RBMS3: variants seen among roughly 807,000 people sequenced by gnomAD.
RBMS3 encodes the protein RNA-binding motif, single-stranded-interacting protein 3.
In RBMS3, 27 loss-of-function variants were observed where a neutral mutation model predicts 66.8. That is an observed-to-expected ratio of 0.40 (90% CI 0.30 to 0.56). The LOEUF (loss-of-function observed/expected upper bound fraction) is 0.56. RBMS3 is among the 20% of genes least tolerant of loss of function. The probability of loss-of-function intolerance (pLI) is 0.40; values close to 1 mark genes in which losing one functional copy is unlikely to be tolerated. For missense variants in RBMS3, 513 were observed against 549.5 expected (o/e 0.93, Z 0.66); for synonymous variants, 188 against 183.0 (o/e 1.03, Z -0.22).
At chr3:29,403,298 T>C (rs1344312807) in intron 1 of RBMS3, among the ~76,000 whole-genome samples, 1 of 152,044 alleles carries the variant, frequency 6.6e-6, no homozygotes, top group African/African-American at 2.4e-5. Flanking sequence ...CTGTATGTAA[T>C]ATAGATGGAC....
At chr3:29,871,742 G>A (rs185411670) in intron 7 of RBMS3, among the ~76,000 whole-genome samples, 11 of 152,190 alleles carry the variant, frequency 7.2e-5, no homozygotes, top group African/African-American at 1.7e-4. Context: ...GATTTCTGAC[G>A]AAATTCTTAG....
intron 4 of RBMS3, among the ~76,000 whole-genome samples, chr3:29,703,502 C>G (rs954134323): frequency 6.6e-6 from 1 of 152,220 alleles, no homozygotes. Context: ...AACTTTCTAT[C>G]TTAGTACATG....
intron 1 of RBMS3, among the ~76,000 whole-genome samples, chr3:29,287,125 AT>A (rs1251720751): frequency 1.3e-5 from 2 of 152,212 alleles, no homozygotes; most frequent in African/African-American, 2.4e-5. Context: ...ATGTGTTGCT[AT>A]TTTTTGCAGT....
chr3:29,503,370 C>T (rs1001887825), intron 3 of RBMS3, among the ~76,000 whole-genome samples: 4 of 152,046 alleles, frequency 2.6e-5, no homozygotes, highest in South Asian at 2.1e-4. Flanking sequence ...CTGTCCTTTA[C>T]GGAAATGTTA....
intron 4 of RBMS3, among the ~76,000 whole-genome samples, chr3:29,729,113 C>T (rs1220090285): frequency 2.0e-5 from 3 of 151,948 alleles, no homozygotes; most frequent in African/African-American, 7.3e-5. Context: ...AGGTATTTCT[C>T]CTAATGCTAT....
chr3:29,952,572 T>C (rs1695755138), intron 12 of RBMS3, among the ~76,000 whole-genome samples: 1 of 151,852 alleles, frequency 6.6e-6, no homozygotes, highest in Non-Finnish European at 1.5e-5. Flanking sequence ...ACTACTACTA[T>C]ATACACATTT....
intron 14 of RBMS3, among the ~76,000 whole-genome samples, chr3:29,996,934 A>C (rs1426331853): frequency 6.6e-6 from 1 of 152,164 alleles, no homozygotes; most frequent in Non-Finnish European, 1.5e-5. Flanking sequence ...GAACTGAGGG[A>C]AATAGAGACA....
intron 4 of RBMS3, among the ~76,000 whole-genome samples, chr3:29,676,070 A>G (rs2051234499): frequency 6.6e-6 from 1 of 152,226 alleles, no homozygotes; most frequent in Admixed American, 6.5e-5. Context: ...TGTGGCACAT[A>G]TACACCATGG....
intron 4 of RBMS3, among the ~76,000 whole-genome samples, chr3:29,593,668 C>T (rs1262990769): frequency 1.3e-5 from 2 of 151,966 alleles, no homozygotes; most frequent in East Asian, 3.9e-4. Context: ...GTTTGTATCC[C>T]ATTTTTCCCC....
chr3:29,292,661 C>T (rs2125427269), intron 1 of RBMS3, among the ~76,000 whole-genome samples: 1 of 151,624 alleles, frequency 6.6e-6, no homozygotes, highest in East Asian at 1.9e-4. Flanking sequence ...CTGTCAATAG[C>T]AGCCTAGTAA....
intron 1 of RBMS3, among the ~76,000 whole-genome samples, chr3:29,366,682 A>C (rs1203948037): frequency 6.6e-6 from 1 of 152,170 alleles, no homozygotes; most frequent in Non-Finnish European, 1.5e-5. Flanking sequence ...GCGATATCCA[A>C]CTGTTTTAAG....
At chr3:29,837,492 C>T (rs1204419043) in intron 6 of RBMS3, among the ~76,000 whole-genome samples, 1 of 151,204 alleles carries the variant, frequency 6.6e-6, no homozygotes, top group Non-Finnish European at 1.5e-5. Flanking sequence ...TTTCTCCTTA[C>T]CCATAAGCTA....
chr3:29,448,040 C>T (rs147178485), intron 2 of RBMS3, among the ~76,000 whole-genome samples: 1 of 152,288 alleles, frequency 6.6e-6, no homozygotes, highest in African/African-American at 2.4e-5. Context: ...ACTTGTTTCA[C>T]TGATTCATGT....
At chr3:29,957,119 T>C (rs1696096824) in intron 12 of RBMS3, among the ~76,000 whole-genome samples, 1 of 152,162 alleles carries the variant, frequency 6.6e-6, no homozygotes, top group African/African-American at 2.4e-5. Flanking sequence ...TGCCTTATCC[T>C]TTTGTCTTGT....
chr3:29,389,202 C>A (rs1161324488), intron 1 of RBMS3, among the ~76,000 whole-genome samples: 3 of 152,102 alleles, frequency 2.0e-5, no homozygotes, highest in Admixed American at 2.0e-4. Context: ...ATCTCTTAGC[C>A]ATGGGTTCTC....
chr3:29,686,112 A>G (rs2149266725), intron 4 of RBMS3, among the ~76,000 whole-genome samples: 2 of 152,320 alleles, frequency 1.3e-5, no homozygotes, highest in South Asian at 2.1e-4. Context: ...CCTTTAGGAC[A>G]TATTCAGGAG....
chr3:29,619,959 T>A (rs1419815434), intron 4 of RBMS3, among the ~76,000 whole-genome samples: 1 of 152,068 alleles, frequency 6.6e-6, no homozygotes, highest in East Asian at 1.9e-4. Context: ...AACTCTGGTA[T>A]GTTGAATTGT....
intron 1 of RBMS3, among the ~76,000 whole-genome samples, chr3:29,381,170 C>T (rs1360262818): frequency 6.6e-6 from 1 of 152,012 alleles, no homozygotes; most frequent in Non-Finnish European, 1.5e-5. Context: ...TCATATGACC[C>T]CCTGCTCTCC....
At chr3:29,828,077 T>A (rs1398712795) in intron 6 of RBMS3, among the ~76,000 whole-genome samples, 1 of 151,950 alleles carries the variant, frequency 6.6e-6, no homozygotes, top group East Asian at 1.9e-4. Context: ...TGTGTGTGTG[T>A]GTGAGAGAGA....
Sources: allele counts gnomAD v4.1 joint callset (sites outside exome capture counted in the v4.1 genomes callset), GRCh38; gene constraint gnomAD v4.1.1; transcripts MANE v1.5; gene names NCBI Gene and HGNC (gene_info 2026-07-23, HGNC 2026-07-21).